ANO4: variants seen among roughly 807,000 people sequenced by gnomAD.
The protein encoded by ANO4 is anoctamin-4.
Under a neutral mutation model 141.9 loss-of-function variants are expected in ANO4, and 69 were observed. The observed-to-expected ratio is 0.49, with a 90% CI of 0.40 to 0.59. ANO4 has a LOEUF of 0.59. Ranked by LOEUF, ANO4 falls within the 20% of genes least tolerant of loss-of-function variation. ANO4 has a pLI of 0.00. For synonymous variants in ANO4, 350 were observed against 394.3 expected (o/e 0.89, Z 1.33); for missense variants, 894 against 1,162.2 (o/e 0.77, Z 3.36).
intron 5 of ANO4, among the ~76,000 whole-genome samples, chr12:100,952,288 C>G (rs1270356623): frequency 6.6e-6 from 1 of 152,236 alleles, no homozygotes; most frequent in East Asian, 1.9e-4. Context: ...TTTAATCTCT[C>G]TGTGCCTTAG....
At chr12:101,001,286 A>G (rs1467468347) in intron 8 of ANO4, among the ~76,000 whole-genome samples, 1 of 152,202 alleles carries the variant, frequency 6.6e-6, no homozygotes, top group African/African-American at 2.4e-5. Context: ...CACACTGTGC[A>G]TTAAGTCTTA....
intron 1 of ANO4, among the ~76,000 whole-genome samples, chr12:100,725,876 T>C (rs2031093635): frequency 6.6e-6 from 1 of 152,178 alleles, no homozygotes; most frequent in African/African-American, 2.4e-5. Context: ...TCCCACTTTC[T>C]AGTTGTGTGA....
At chr12:100,725,522 A>G (rs1449709814) in intron 1 of ANO4, among the ~76,000 whole-genome samples, 1 of 151,490 alleles carries the variant, frequency 6.6e-6, no homozygotes, top group Non-Finnish European at 1.5e-5. Flanking sequence ...AATTTTTTGT[A>G]TTTTTGGTAG....
At position 101,043,598 on chromosome 12, in the gene ANO4, C is replaced by T; in HGVS notation, c.1214C>T (p.Pro405Leu). Reference sequence around the variant, plus strand: ...TGTCCTGTGTGTGATAAATACTGTCCATTCATGAGGCTGTCAGACAGCTGT... The same window carrying T: ...TGTCCTGTGTGTGATAAATACTGTCTATTCATGAGGCTGTCAGACAGCTGT... Reference protein sequence around the residue: ...IMCPVCDKYCPFMRLSDSCVY... With the variant: ...IMCPVCDKYCLFMRLSDSCVY... Residue 405 changes from proline to leucine, a missense_variant, in exon 13 of 28, where the codon CCA (proline) becomes CTA (leucine). Transcript: ENST00000392977. 6.2e-7 allele frequency: 1 copy of T among 1,613,648 alleles called. No individual in the cohort carries two copies. The highest frequency in any genetic ancestry group is 1.7e-5 in the Admixed American group (1 of 60,014).
At chr12:100,743,587 AAATC>A (rs2031968622) in intron 3 of ANO4, among the ~76,000 whole-genome samples, 1 of 152,204 alleles carries the variant, frequency 6.6e-6, no homozygotes, top group African/African-American at 2.4e-5. Flanking sequence ...AATTCTGGTT[AAATC>A]AAGAAATATT....
chr12:101,097,691 A>G lies in ANO4; in HGVS notation c.1891A>G (p.Arg631Gly). The change falls in exon 20 of 28, where the codon AGG becomes GGG. Residue 631 changes from arginine (R) to glycine (G), a missense_variant. Around this residue, in one of 2 missense-constraint regions of ANO4, gnomAD observed 637 missense variants for 909.2 expected, o/e 0.70. Transcript: ENST00000392977. ...HPGAYLRLIN[R>G]WRLEECHPSG... ...AGGTGCCTACTTGAGGCTGATAAAC[A>G]GGTGGAGACTAGAAGAGGTCTGTAT... The G allele has an allele frequency of 6.2e-7, 1 of 1,613,848 alleles. No homozygotes were observed. The highest frequency in any genetic ancestry group is 8.5e-7 in the Non-Finnish European group (1 of 1,179,794).
At chr12:100,736,629 A>G (rs1449254996) in intron 2 of ANO4, among the ~76,000 whole-genome samples, 1 of 152,142 alleles carries the variant, frequency 6.6e-6, no homozygotes, top group Non-Finnish European at 1.5e-5. Context: ...AATCCCCAGT[A>G]CCTGTGATTG....
At chr12:100,785,492 T>C (rs573507644) in intron 3 of ANO4, among the ~76,000 whole-genome samples, 1 of 152,340 alleles carries the variant, frequency 6.6e-6, no homozygotes, top group East Asian at 1.9e-4. Flanking sequence ...GTTGGAATTA[T>C]ATCATATGTA....
intron 22 of ANO4, among the ~76,000 whole-genome samples, chr12:101,107,849 C>A (rs2050509857): frequency 6.6e-6 from 1 of 152,014 alleles, no homozygotes; most frequent in Admixed American, 6.6e-5. Context: ...GCAAAAAAGT[C>A]AGTTAGAAAA....
intron 14 of ANO4, among the ~76,000 whole-genome samples, chr12:101,054,473 A>G (rs2048015301): frequency 6.6e-6 from 1 of 152,254 alleles, no homozygotes; most frequent in African/African-American, 2.4e-5. Context: ...TCATGGAAGC[A>G]TCACCATAAT....
chr12:100,757,026 GT>G (rs1036966591), intron 3 of ANO4, among the ~76,000 whole-genome samples: 2 of 151,816 alleles, frequency 1.3e-5, no homozygotes, highest in African/African-American at 4.8e-5. Flanking sequence ...TGTTGCCTCA[GT>G]TTTTTTTTAT....
chr12:101,126,463 T>G (rs1271632817), intron 26 of ANO4, among the ~76,000 whole-genome samples: 1 of 152,188 alleles, frequency 6.6e-6, no homozygotes, highest in Non-Finnish European at 1.5e-5. Flanking sequence ...CAAGGCATTT[T>G]TAAACATTTT....
chr12:100,746,683 C>T (rs1169584584), intron 3 of ANO4, among the ~76,000 whole-genome samples: 1 of 152,122 alleles, frequency 6.6e-6, no homozygotes, highest in Admixed American at 6.5e-5. Flanking sequence ...ATCCTACATG[C>T]ACAAGACGTG....
At chr12:100,813,768 G>A (rs1474715814) in intron 1 of ANO4, among the ~76,000 whole-genome samples, 1 of 152,168 alleles carries the variant, frequency 6.6e-6, no homozygotes, top group Non-Finnish European at 1.5e-5. Flanking sequence ...GGATATGACA[G>A]TTGTGTTTTA....
intron 3 of ANO4, among the ~76,000 whole-genome samples, chr12:100,774,868 ATAACT>A (rs1290643499): frequency 8.5e-5 from 13 of 152,262 alleles, no homozygotes; most frequent in Admixed American, 8.5e-4. Context: ...AAAGTAGGAA[ATAACT>A]TAACTGCCTA....
chr12:100,781,514 G>T, intron 3 of ANO4, among the ~76,000 whole-genome samples: 1 of 152,074 alleles, frequency 6.6e-6, no homozygotes, highest in East Asian at 1.9e-4. Flanking sequence ...GTTATACCTT[G>T]TCTAGTCTGA....
In ANO4 at chr12:100,982,158, A is replaced by C. The variant is rs531129333; in HGVS notation, c.603-5381A>C. On this transcript the variant is annotated intron_variant, in intron 7 of 27. Coordinates refer to ENST00000392977, the MANE Select transcript of ANO4 (RefSeq NM_001286615.2). ...GACAAGTTAGGGCCAGAAATGCCCA[A>C]GTGTCTGATCCATTTTCCCTTTATT... Among the ~76,000 whole-genome samples, 15 of 152,350 alleles carry C rather than the reference A, an allele frequency of 9.8e-5. 1 individual carries two copies. In the East Asian group the frequency reaches 2.9e-3, roughly 29 times the overall value.
At chr12:100,912,451 T>C (rs998975252) in intron 2 of ANO4, among the ~76,000 whole-genome samples, 1 of 148,912 alleles carries the variant, frequency 6.7e-6, no homozygotes, top group Non-Finnish European at 1.5e-5. Flanking sequence ...GGAGAATCGC[T>C]TGAATCCGGG....
intron 7 of ANO4, among the ~76,000 whole-genome samples, chr12:100,982,538 T>C (rs1257201963): frequency 6.6e-6 from 1 of 152,216 alleles, no homozygotes; most frequent in Non-Finnish European, 1.5e-5. Context: ...TATGTAGAAG[T>C]TCATCATTAT....
Sources: allele counts gnomAD v4.1 joint callset (sites outside exome capture counted in the v4.1 genomes callset), GRCh38; gene constraint gnomAD v4.1.1; regional missense constraint gnomAD v4.1.1; transcripts MANE v1.5; gene names NCBI Gene and HGNC (gene_info 2026-07-23, HGNC 2026-07-21).